UHRF2: variants seen among roughly 807,000 people sequenced by gnomAD.
The protein encoded by UHRF2 is E3 ubiquitin-protein ligase UHRF2.
Under a neutral mutation model 96.8 loss-of-function variants are expected in UHRF2, and 23 were observed. The ratio of observed to expected loss-of-function variants is 0.24; its 90% confidence interval spans 0.17 to 0.34. UHRF2 has a LOEUF of 0.34. Among genes scored for constraint, UHRF2 ranks in the 10% least tolerant of loss-of-function variants. The pLI, the probability that UHRF2 is intolerant of heterozygous loss-of-function variation, is 1.00. For synonymous variants in UHRF2, 385 were observed against 332.6 expected (o/e 1.16, Z -1.72); for missense variants, 685 against 981.5 (o/e 0.70, Z 4.04).
chr9:6,430,100 T>G (rs942693523), intron 2 of UHRF2, among the ~76,000 whole-genome samples: 24 of 152,242 alleles, frequency 1.6e-4, no homozygotes, highest in Non-Finnish European at 3.2e-4. Context: ...AACCTCCACC[T>G]CCTGGGTTCA....
At chr9:6,415,549 CAG>C (rs1563735679) in intron 1 of UHRF2, 1 of 152,184 alleles carries the variant, frequency 6.6e-6, no homozygotes, top group Admixed American at 6.5e-5. Context: ...AATGGCATCA[CAG>C]AGAGTCCCCG....
At chr9:6,464,004 T>C (rs1822715498) in intron 4 of UHRF2, among the ~76,000 whole-genome samples, 1 of 152,208 alleles carries the variant, frequency 6.6e-6, no homozygotes, top group Non-Finnish European at 1.5e-5. Flanking sequence ...GTAGAACCTG[T>C]GCATCTTCAA....
chr9:6,502,759 C>T (rs1364058803), intron 14 of UHRF2, among the ~76,000 whole-genome samples: 2 of 152,300 alleles, frequency 1.3e-5, no homozygotes, highest in Middle Eastern at 3.4e-3. Flanking sequence ...ATTATAGGAA[C>T]TGTGGAAGTA....
chr9:6,420,516 C>T (rs1819868016), intron 1 of UHRF2, among the ~76,000 whole-genome samples: 1 of 151,316 alleles, frequency 6.6e-6, no homozygotes, highest in Non-Finnish European at 1.5e-5. Flanking sequence ...TCCTGGCAAA[C>T]ACGGTGAAAC....
chr9:6,456,079 A>G (rs1170571285), intron 3 of UHRF2, among the ~76,000 whole-genome samples: 1 of 152,240 alleles, frequency 6.6e-6, no homozygotes, highest in Non-Finnish European at 1.5e-5. Flanking sequence ...TAGGAAATAT[A>G]CGTACAGCCA....
chr9:6,495,557 T>C (rs1412339399), intron 10 of UHRF2: 1 of 152,222 alleles, frequency 6.6e-6, no homozygotes, highest in African/African-American at 2.4e-5. Flanking sequence ...ACCTTCTTGC[T>C]TCTGAGTTTA....
At chr9:6,481,589 C>G in intron 6 of UHRF2, 54 bp from the exon 7 acceptor site, 1 of 1,581,422 alleles carries the variant, frequency 6.3e-7, no homozygotes, top group Non-Finnish European at 8.6e-7. Context: ...TATTCTGTTA[C>G]TAGCTTTAAT....
chr9:6,445,197 T>A (rs1821414427), intron 3 of UHRF2, among the ~76,000 whole-genome samples: 1 of 152,018 alleles, frequency 6.6e-6, no homozygotes, highest in African/African-American at 2.4e-5. Context: ...TTAAGGTTTT[T>A]GTTTTCTCTT....
intron 5 of UHRF2, among the ~76,000 whole-genome samples, chr9:6,477,127 G>A (rs1193446955): frequency 1.3e-5 from 2 of 151,918 alleles, no homozygotes; most frequent in Non-Finnish European, 2.9e-5. Context: ...CAGCTATTCC[G>A]GAGGCTGAGG....
intron 9 of UHRF2, among the ~76,000 whole-genome samples, chr9:6,490,011 T>C (rs1465117941): frequency 6.6e-6 from 1 of 151,890 alleles, no homozygotes; most frequent in Non-Finnish European, 1.5e-5. Context: ...TTTGTATATT[T>C]GTCAGAAATA....
At chr9:6,492,715 G>A (rs13290126) in intron 9 of UHRF2, 4,967 of 152,210 alleles carry the variant, frequency 0.033, 106 homozygotes, top group Middle Eastern at 0.071. Flanking sequence ...GTGTTAGTAG[G>A]ATTAATTGTG....
chr9:6,446,930 C>A (rs975991455), intron 3 of UHRF2, among the ~76,000 whole-genome samples: 2 of 151,820 alleles, frequency 1.3e-5, no homozygotes, highest in African/African-American at 4.8e-5. Context: ...GCTCTGTCAC[C>A]CAGGCTGGAG....
chr9:6,422,648 C>T (rs1315566001), intron 2 of UHRF2: 1 of 650,652 alleles, frequency 1.5e-6, no homozygotes, highest in Non-Finnish European at 2.9e-6. Flanking sequence ...CTGGCTCTGT[C>T]ACCCAGGCTG....
intron 4 of UHRF2, among the ~76,000 whole-genome samples, chr9:6,462,674 T>G (rs1822616951): frequency 6.6e-6 from 1 of 152,160 alleles, no homozygotes; most frequent in Non-Finnish European, 1.5e-5. Flanking sequence ...ATCCCAGCAC[T>G]TTGGGAGACC....
chr9:6,413,728 G>C (rs1819424446), intron 1 of UHRF2, 85 bp downstream of exon 1: 3 of 1,335,004 alleles, frequency 2.2e-6, no homozygotes, highest in Admixed American at 4.0e-5. Flanking sequence ...AGGGCTCTGT[G>C]CGCCGCGCGC....
intron 4 of UHRF2, among the ~76,000 whole-genome samples, chr9:6,463,580 C>T (rs571517506): frequency 6.6e-6 from 1 of 151,918 alleles, no homozygotes; most frequent in African/African-American, 2.4e-5. Context: ...AAGCAGTTCT[C>T]CTGCCGCAGC....
At chr9:6,499,692 A>C in intron 12 of UHRF2, 143 bp from the exon 13 acceptor site, 2 of 489,628 alleles carry the variant, frequency 4.1e-6, no homozygotes, top group South Asian at 7.5e-5. Flanking sequence ...TTTCCTTTAA[A>C]TGTCTGTTTC....
At chr9:6,494,426 G>T (rs1164560128) in intron 10 of UHRF2, 1 of 152,158 alleles carries the variant, frequency 6.6e-6, no homozygotes, top group Non-Finnish European at 1.5e-5. Context: ...GTTGTTAAAG[G>T]GAATGTTCAT....
In UHRF2 at chr9:6,460,457, C is replaced by T. The variant is rs571607475; in HGVS notation, c.645-116C>T. 18 of 830,180 alleles carry T rather than the reference C, an allele frequency of 2.2e-5. No homozygotes were observed. The Admixed American group carries it at 3.6e-4, about 17-fold the overall frequency. 51.4% of individuals were successfully genotyped at this position (830,180 alleles called of 1,614,324 possible). ...CACCTGCTATTTAAGGACACTTCAA[C>T]CTATTTTACTCTTTCTCTTAGATGA... On this transcript the variant is annotated intron_variant, in intron 3 of 15. Coordinates refer to ENST00000276893, the MANE Select transcript of UHRF2 (RefSeq NM_152896.3).
Sources: gnomAD v4.1 joint callset for allele counts (sites outside exome capture counted in the v4.1 genomes callset) on GRCh38, gnomAD v4.1.1 for gene constraint, MANE v1.5 for transcripts, NCBI Gene and HGNC (gene_info 2026-07-23, HGNC 2026-07-21) for gene names.